Variants in CSGALNACT1 observed in about 807,000 individuals in gnomAD.
CSGALNACT1 encodes the protein beta4GalNAcT-1.
A neutral mutation model predicts 51.0 loss-of-function variants in CSGALNACT1; 52 were observed. That is an observed-to-expected ratio of 1.02 (90% CI 0.82 to 1.29). CSGALNACT1 has a LOEUF of 1.29. Among genes scored for constraint, CSGALNACT1 ranks in the 50% most tolerant of loss-of-function variants. CSGALNACT1 has a pLI of 0.00. For synonymous variants in CSGALNACT1, 341 were observed against 254.4 expected, an observed-to-expected ratio of 1.34 and a Z score of -3.24; for missense variants, 935 against 679.2, an observed-to-expected ratio of 1.38 and a Z score of -4.19.
chr8:19,404,415 A>G (rs1563227055), exon 10 of CSGALNACT1: 3 of 453,052 alleles, frequency 6.6e-6, no homozygotes, highest in South Asian at 1.6e-5. Context: ...AAACCACTCT[A>G]TGTTAACTGT....
chr8:19,409,856 T>G (rs1174618420), intron 8 of CSGALNACT1, among the ~76,000 whole-genome samples: 1 of 152,158 alleles, frequency 6.6e-6, no homozygotes, highest in Non-Finnish European at 1.5e-5. Context: ...CCTTCACTTC[T>G]TCATGCATCT....
chr8:19,565,786 C>T (rs769129373), intron 3 of CSGALNACT1, among the ~76,000 whole-genome samples: 12 of 152,154 alleles, frequency 7.9e-5, no homozygotes, highest in Non-Finnish European at 1.2e-4. Context: ...TGGTGCACAT[C>T]TGTAATCCCA....
At chr8:19,487,541 T>C (rs1457631351) in intron 4 of CSGALNACT1, among the ~76,000 whole-genome samples, 1 of 152,030 alleles carries the variant, frequency 6.6e-6, no homozygotes, top group Non-Finnish European at 1.5e-5. Flanking sequence ...GGACAGAAAG[T>C]CAATAAGAAA....
At position 19,741,058 on chromosome 8, in the gene CSGALNACT1, T is replaced by A. The variant is rs547401910; in HGVS notation, c.-297+16792A>T. Among the ~76,000 whole-genome samples the A allele has an allele frequency of 1.8e-3, 273 of 152,318 alleles. 2 individuals are homozygous for A. Among genetic ancestry groups the A allele is most frequent in the African/African-American group, 6.4e-3 (266 of 41,564 alleles). On this transcript the variant is annotated intron_variant, in intron 1 of 1. Coordinates refer to the CSGALNACT1 transcript ENST00000517494. ...TGGAGGAAGCAAGTCAAAAACTGAC[T>A]TTTGTGCGTAGGTTGAAGGATTTCC...
upstream of CSGALNACT1, among the ~76,000 whole-genome samples, chr8:19,604,119 T>G (rs1652370196): frequency 6.6e-6 from 1 of 152,064 alleles, no homozygotes; most frequent in African/African-American, 2.4e-5. Context: ...ATCATATTCC[T>G]CCAGAGAAGA....
chr8:19,731,678 C>T (rs978817080), intron 1 of CSGALNACT1, among the ~76,000 whole-genome samples: 3 of 152,098 alleles, frequency 2.0e-5, no homozygotes, highest in Non-Finnish European at 2.9e-5. Flanking sequence ...GGTTGCACAA[C>T]CACTTGAAGG....
chr8:19,440,970 T>G (rs1280875165), intron 5 of CSGALNACT1, among the ~76,000 whole-genome samples: 6 of 152,184 alleles, frequency 3.9e-5, no homozygotes, highest in Admixed American at 3.9e-4. Context: ...CAGTCACAAT[T>G]GCTTCAAAGA....
exon 10 of CSGALNACT1, chr8:19,404,802 T>C (rs920306035): frequency 3.1e-5 from 14 of 454,454 alleles, no homozygotes; most frequent in Non-Finnish European, 5.7e-5. Flanking sequence ...ATCACCAGTC[T>C]GAATGAGTTT....
At chr8:19,689,255 A>G (rs1345902361) in intron 1 of CSGALNACT1, among the ~76,000 whole-genome samples, 1 of 152,088 alleles carries the variant, frequency 6.6e-6, no homozygotes, top group African/African-American at 2.4e-5. Context: ...TAACCCAGCT[A>G]CCATGGTATG....
chr8:19,460,045 T>C (rs903153184), intron 4 of CSGALNACT1, among the ~76,000 whole-genome samples: 8 of 152,160 alleles, frequency 5.3e-5, no homozygotes, highest in Non-Finnish European at 1.2e-4. Flanking sequence ...TGCCTAAAGA[T>C]CCATTTCCTT....
intron 3 of CSGALNACT1, among the ~76,000 whole-genome samples, chr8:19,575,438 A>C (rs2043978022): frequency 1.3e-5 from 2 of 152,234 alleles, no homozygotes; most frequent in Non-Finnish European, 2.9e-5. Flanking sequence ...TCTACCTACT[A>C]GCTTGCAGGT....
At chr8:19,488,830 A>G (rs1310161580) in intron 4 of CSGALNACT1, among the ~76,000 whole-genome samples, 1 of 152,196 alleles carries the variant, frequency 6.6e-6, no homozygotes, top group Non-Finnish European at 1.5e-5. Flanking sequence ...TGTATACCTG[A>G]CACAATCAGT....
At chr8:19,704,127 A>C (rs545191003) in intron 1 of CSGALNACT1, among the ~76,000 whole-genome samples, 1 of 152,332 alleles carries the variant, frequency 6.6e-6, no homozygotes, top group African/African-American at 2.4e-5. Flanking sequence ...TAATTACATA[A>C]TTACATGGAT....
At chr8:19,523,307 T>C (rs978901812) in intron 3 of CSGALNACT1, among the ~76,000 whole-genome samples, 1 of 152,192 alleles carries the variant, frequency 6.6e-6, no homozygotes, top group African/African-American at 2.4e-5. Flanking sequence ...CTCTGTCACC[T>C]AGGCTGAAGT....
intron 8 of CSGALNACT1, among the ~76,000 whole-genome samples, chr8:19,412,443 C>T (rs975502204): frequency 1.3e-5 from 2 of 152,206 alleles, no homozygotes; most frequent in Non-Finnish European, 2.9e-5. Context: ...GTGGTCAGTG[C>T]CTGTCTGGTT....
chr8:19,690,674 T>C (rs1341126447), intron 1 of CSGALNACT1, among the ~76,000 whole-genome samples: 4 of 152,236 alleles, frequency 2.6e-5, no homozygotes. Flanking sequence ...CATTTGCAGT[T>C]TGCAGATGGA....
At chr8:19,476,243 G>C (rs1239694911) in intron 4 of CSGALNACT1, among the ~76,000 whole-genome samples, 1 of 152,016 alleles carries the variant, frequency 6.6e-6, no homozygotes. Context: ...TTTTTTGTTT[G>C]TTTTTGGTTT....
chr8:19,405,227 C>A, exon 10 of CSGALNACT1: 2 of 451,978 alleles, frequency 4.4e-6, no homozygotes, highest in Non-Finnish European at 8.8e-6. Context: ...TTTGGTTAAT[C>A]TTGGGGAAAA....
intron 1 of CSGALNACT1, among the ~76,000 whole-genome samples, chr8:19,720,263 A>G (rs551562986): frequency 5.9e-5 from 9 of 152,320 alleles, no homozygotes; most frequent in Non-Finnish European, 1.3e-4. Flanking sequence ...TGATGTAGGG[A>G]GGCAGCGTGC....
Sources: gnomAD v4.1 joint callset for allele counts (sites outside exome capture counted in the v4.1 genomes callset) on GRCh38, gnomAD v4.1.1 for gene constraint, MANE v1.5 for transcripts, NCBI Gene and HGNC (gene_info 2026-07-23, HGNC 2026-07-21) for gene names.